The following TENM4 variants were observed in gnomAD, a reference collection of about 807,000 sequenced individuals.
The protein encoded by TENM4 is teneurin transmembrane protein 4, also known as teneurin-4.
TENM4 carries 82 observed loss-of-function variants against 243.3 expected under a neutral mutation model. That is an observed-to-expected ratio of 0.34 (90% CI 0.28 to 0.40). TENM4 has a LOEUF of 0.40. Among genes scored for constraint, TENM4 ranks in the 10% least tolerant of loss-of-function variants. TENM4 has a pLI of 1.00. For synonymous variants in TENM4, 1,412 were observed against 1,456.3 expected (o/e 0.97, Z 0.69); for missense variants, 3,138 against 3,673.3 (o/e 0.85, Z 3.77).
intron 6 of TENM4, chr11:78,962,096 C>G (rs1344266232): frequency 2.6e-5 from 4 of 152,660 alleles, no homozygotes; most frequent in Non-Finnish European, 5.9e-5. Flanking sequence ...AACGGAAGGA[C>G]AATTTTAAAA....
chr11:78,741,516 G>GT (rs1243538363), intron 19 of TENM4, among the ~76,000 whole-genome samples: 6 of 152,168 alleles, frequency 3.9e-5, no homozygotes, highest in Non-Finnish European at 7.3e-5. Context: ...AAGAGCAAAC[G>GT]TAACATCAAA....
chr11:79,242,208 G>T (rs566526915), intron 2 of TENM4, among the ~76,000 whole-genome samples: 4 of 151,756 alleles, frequency 2.6e-5, no homozygotes, highest in Non-Finnish European at 4.4e-5. Flanking sequence ...GGTAAATAAC[G>T]TTTATTTAAT....
intron 6 of TENM4, among the ~76,000 whole-genome samples, chr11:79,039,493 A>G (rs957398231): frequency 6.6e-6 from 1 of 152,212 alleles, no homozygotes; most frequent in Non-Finnish European, 1.5e-5. Flanking sequence ...AGATCCTCAG[A>G]TGTGGATGTT....
chr11:78,884,636 G>A (rs1012401280), intron 9 of TENM4, among the ~76,000 whole-genome samples: 3 of 152,182 alleles, frequency 2.0e-5, no homozygotes, highest in African/African-American at 7.2e-5. Context: ...ACAGAATTGT[G>A]GTGAGGGTCC....
rs186879987 is a variant in TENM4, at chr11:79,176,779, G to A, written c.-162-27973C>T. Among the ~76,000 whole-genome samples, 6 of 152,116 alleles carry A rather than the reference G, an allele frequency of 3.9e-5. No homozygotes were observed. In the East Asian group the frequency reaches 1.2e-3, roughly 29 times the overall value. On this transcript the variant is annotated intron_variant, in intron 3 of 33. Coordinates refer to ENST00000278550, the MANE Select transcript of TENM4 (RefSeq NM_001098816.3). ...AGTGTATAGTCAGTGATAATAATATGGTATTTAGCACATGTAAATACAATC... is the reference window on the plus strand; with the variant it reads ...AGTGTATAGTCAGTGATAATAATATAGTATTTAGCACATGTAAATACAATC...
chr11:78,777,581 A>C (rs1388963098), intron 17 of TENM4, among the ~76,000 whole-genome samples: 1 of 152,208 alleles, frequency 6.6e-6, no homozygotes, highest in Non-Finnish European at 1.5e-5. Context: ...TATACTAAGC[A>C]CTTTGTATTT....
chr11:79,305,125 A>G (rs1039554877), intron 1 of TENM4, among the ~76,000 whole-genome samples: 1 of 152,210 alleles, frequency 6.6e-6, no homozygotes, highest in Admixed American at 6.5e-5. Context: ...CTCAGATTAC[A>G]ATTGGTGGCT....
chr11:79,103,614 T>C (rs1861287323), intron 4 of TENM4, among the ~76,000 whole-genome samples: 1 of 152,236 alleles, frequency 6.6e-6, no homozygotes, highest in African/African-American at 2.4e-5. Context: ...TAATAGGCTT[T>C]CTGAGACAAG....
chr11:78,823,028 G>A (rs1857769007), intron 12 of TENM4, among the ~76,000 whole-genome samples: 1 of 152,118 alleles, frequency 6.6e-6, no homozygotes, highest in Non-Finnish European at 1.5e-5. Flanking sequence ...CAGCGCTCTC[G>A]GATGCCAGTG....
At chr11:78,759,227 T>C (rs1856380949) in intron 18 of TENM4, among the ~76,000 whole-genome samples, 1 of 152,194 alleles carries the variant, frequency 6.6e-6, no homozygotes, top group African/African-American at 2.4e-5. Flanking sequence ...AAAGCACCTG[T>C]CTTCTCCAGC....
Position 78,949,865 on chromosome 11 carries a change from G to C in TENM4, c.494-46342C>G, listed in dbSNP as rs148985850. 1.3e-3 allele frequency among the ~76,000 whole-genome samples: 193 copies of C among 152,262 alleles called. 1 individual carries two copies. The highest frequency in any genetic ancestry group is 4.2e-3 in the African/African-American group (174 of 41,552). ...AGCACAGTACAGAACTGGGTGCAGG[G>C]GGAGGTGGGAAGTCAGGAATGATCA... On this transcript the variant is annotated intron_variant, in intron 6 of 33. Transcript: ENST00000278550.
At chr11:79,183,533 T>C (rs1455533732) in intron 3 of TENM4, among the ~76,000 whole-genome samples, 1 of 152,172 alleles carries the variant, frequency 6.6e-6, no homozygotes, top group Non-Finnish European at 1.5e-5. Flanking sequence ...TGAACACCAA[T>C]GTGAGCTATG....
chr11:79,099,697 G>A (rs1337751731), intron 4 of TENM4, among the ~76,000 whole-genome samples: 1 of 152,082 alleles, frequency 6.6e-6, no homozygotes, highest in Non-Finnish European at 1.5e-5. Flanking sequence ...GCTCTTTAAG[G>A]CAAGATCCCC....
intron 4 of TENM4, among the ~76,000 whole-genome samples, chr11:79,123,892 G>A (rs538712381): frequency 8.3e-4 from 127 of 152,264 alleles, no homozygotes; most frequent in African/African-American, 3.0e-3. Context: ...TGTGCTAGTG[G>A]CCCTGAGATC....
chr11:78,950,549 G>A (rs1339326329), intron 6 of TENM4, among the ~76,000 whole-genome samples: 1 of 152,198 alleles, frequency 6.6e-6, no homozygotes, highest in Non-Finnish European at 1.5e-5. Context: ...ATGCAAAAAT[G>A]CCACTTACTA....
chr11:78,805,277 T>TAGCCCC lies in TENM4; in HGVS notation c.2179+14_2179+15insGGGGCT. ...CCCCTCCCTCTACCCATGCTTCTTC[T>TAGCCCC]CCCCCTGCATTTACCGATAGAACAG... On this transcript the variant is annotated intron_variant, in intron 15 of 33. Transcript: ENST00000278550. 1 of 1,402,550 alleles carries TAGCCCC rather than the reference T, an allele frequency of 7.1e-7. No individual in the cohort carries two copies. 86.9% of individuals were successfully genotyped at this position (1,402,550 alleles called of 1,614,324 possible). A position where few individuals can be genotyped will look rare whatever the true frequency, so the allele number is the denominator to read the frequency against.
At chr11:79,147,183 C>T (rs557088162) in intron 4 of TENM4, among the ~76,000 whole-genome samples, 66 of 152,186 alleles carry the variant, frequency 4.3e-4, no homozygotes, top group Middle Eastern at 6.8e-3. Context: ...CACAAAGGCA[C>T]ATATATTTGT....
intron 6 of TENM4, among the ~76,000 whole-genome samples, chr11:79,033,600 A>T (rs1175700548): frequency 1.3e-5 from 2 of 152,204 alleles, no homozygotes; most frequent in South Asian, 4.1e-4. Flanking sequence ...CTTGCACCAT[A>T]AACAGTCTCT....
chr11:79,159,721 A>T (rs967710426), intron 3 of TENM4, among the ~76,000 whole-genome samples: 1 of 152,182 alleles, frequency 6.6e-6, no homozygotes, highest in Non-Finnish European at 1.5e-5. Context: ...ATCTGTCCAG[A>T]AAAGAAGAGT....
Sources: gnomAD v4.1 joint callset for allele counts (sites outside exome capture counted in the v4.1 genomes callset) on GRCh38, gnomAD v4.1.1 for gene constraint, MANE v1.5 for transcripts, NCBI Gene and HGNC (gene_info 2026-07-23, HGNC 2026-07-21) for gene names.